Variants in STK32A observed in about 807,000 individuals in gnomAD.
STK32A encodes serine/threonine-protein kinase 32A.
STK32A carries 41 observed loss-of-function variants against 53.2 expected under a neutral mutation model. That is an observed-to-expected ratio of 0.77 (90% CI 0.60 to 1.00). The LOEUF is 1.00. Among genes scored for constraint, STK32A ranks in the 50% least tolerant of loss-of-function variants. The pLI is 0.00. For synonymous variants in STK32A, 166 were observed against 162.8 expected (o/e 1.02, Z -0.15); for missense variants, 458 against 485.8 (o/e 0.94, Z 0.54).
At chr5:147,326,919 A>G (rs1206088490) in intron 5 of STK32A, among the ~76,000 whole-genome samples, 2 of 152,064 alleles carry the variant, frequency 1.3e-5, no homozygotes, top group African/African-American at 2.4e-5. Flanking sequence ...GGGTCTCCCT[A>G]TGTTGCCTAG....
chr5:147,274,819 A>G (rs1338441237), intron 2 of STK32A, among the ~76,000 whole-genome samples: 1 of 152,172 alleles, frequency 6.6e-6, no homozygotes, highest in Non-Finnish European at 1.5e-5. Context: ...AAGATTACAC[A>G]GCTATTTATT....
chr5:147,294,441 T>C (rs1465399588), intron 4 of STK32A, among the ~76,000 whole-genome samples: 2 of 152,094 alleles, frequency 1.3e-5, no homozygotes, highest in Non-Finnish European at 2.9e-5. Context: ...TTTGTATTTT[T>C]AGTACAGACG....
chr5:147,382,682 G>T (rs752073678), intron 11 of STK32A, among the ~76,000 whole-genome samples: 5 of 152,030 alleles, frequency 3.3e-5, no homozygotes, highest in Non-Finnish European at 7.4e-5. Context: ...ATCTTCTTAG[G>T]TCTTTTCTGA....
intron 4 of STK32A, among the ~76,000 whole-genome samples, chr5:147,299,137 A>T (rs1419984493): frequency 1.3e-5 from 2 of 152,214 alleles, no homozygotes; most frequent in Non-Finnish European, 2.9e-5. Flanking sequence ...CCATAGACAG[A>T]GCAGCCCTGA....
chr5:147,395,622 C>T, the STK32A span: 1 of 1,614,054 alleles, frequency 6.2e-7, no homozygotes, highest in Non-Finnish European at 8.5e-7. Context: ...GTAGGAGAGC[C>T]CCGAGCAGAG....
intron 6 of STK32A, among the ~76,000 whole-genome samples, chr5:147,343,736 G>A (rs1462271085): frequency 6.6e-6 from 1 of 152,200 alleles, no homozygotes; most frequent in Non-Finnish European, 1.5e-5. Flanking sequence ...CTTTGTCTAT[G>A]CTGGCACATA....
At chr5:147,358,128 TA>T (rs1460146984) in intron 7 of STK32A, among the ~76,000 whole-genome samples, 4 of 152,008 alleles carry the variant, frequency 2.6e-5, no homozygotes, top group Non-Finnish European at 5.9e-5. Context: ...TACCCACGTT[TA>T]AAAAAATCTG....
intron 2 of STK32A, among the ~76,000 whole-genome samples, chr5:147,272,397 C>A (rs992671359): frequency 5.3e-5 from 8 of 152,206 alleles, no homozygotes; most frequent in Non-Finnish European, 1.2e-4. Context: ...ATTAAACCAT[C>A]TTTCAAAATC....
At chr5:147,319,840 C>A (rs1450277992) in intron 4 of STK32A, among the ~76,000 whole-genome samples, 1 of 152,142 alleles carries the variant, frequency 6.6e-6, no homozygotes, top group African/African-American at 2.4e-5. Context: ...GGACAATGTT[C>A]TCTTGCTTTT....
At chr5:147,399,310 G>A in the STK32A span, 1 of 1,527,996 alleles carries the variant, frequency 6.5e-7, no homozygotes, top group Non-Finnish European at 8.8e-7. Context: ...TCAATTCAGG[G>A]CTTCTGAACT....
chr5:147,279,895 G>A (rs977326879), intron 4 of STK32A, among the ~76,000 whole-genome samples: 26 of 152,124 alleles, frequency 1.7e-4, no homozygotes, highest in South Asian at 2.1e-4. Flanking sequence ...TGAAGGAAAC[G>A]ACTGCTCCTG....
rs143858559 is a variant in STK32A, at chr5:147,352,303, C to T, written c.562+1149C>T. On this transcript the variant is annotated intron_variant, in intron 7 of 12. Coordinates refer to ENST00000397936, the MANE Select transcript of STK32A (RefSeq NM_001112724.2). ...TGTCTTTGCATTATTTTGTGTGTAG[C>T]GAGGTGAGGAACTGGTTTTTGCCTT... Among the ~76,000 whole-genome samples, 425 of 152,186 alleles carry T rather than the reference C, an allele frequency of 2.8e-3. 1 individual carries two copies. The highest frequency in any genetic ancestry group is 9.5e-3 in the African/African-American group (393 of 41,522).
intron 2 of STK32A, among the ~76,000 whole-genome samples, chr5:147,247,725 G>T (rs1392987921): frequency 1.3e-5 from 2 of 152,154 alleles, no homozygotes; most frequent in Non-Finnish European, 2.9e-5. Context: ...ACATGGCTTT[G>T]TTCCAATAAA....
At chr5:147,300,943 C>G (rs558716290) in intron 4 of STK32A, among the ~76,000 whole-genome samples, 10 of 152,280 alleles carry the variant, frequency 6.6e-5, no homozygotes, top group South Asian at 4.1e-4. Context: ...TCTTCTGGCA[C>G]AGGGGCCAAG....
chr5:147,387,435 T>C lies in STK32A; in HGVS notation c.*3452T>C, dbSNP rs760526932. On this transcript the variant is annotated 3_prime_UTR_variant, in exon 13 of 13. Transcript: ENST00000397936. Reference sequence around the variant, plus strand: ...CCAGAAACCACTAGATGTTCTATTATCATAGCTTTTGTAGATTGGATGGAA... The same window carrying C: ...CCAGAAACCACTAGATGTTCTATTACCATAGCTTTTGTAGATTGGATGGAA... 3 of 152,256 alleles carry C rather than the reference T, an allele frequency of 2.0e-5. No homozygotes were observed. Among genetic ancestry groups the C allele is most frequent in the Non-Finnish European group, 4.4e-5 (3 of 68,048 alleles). The allele number at this position is 152,256 out of a possible 1,614,324, so 9.4% of individuals were successfully genotyped here. A position where few individuals can be genotyped will look rare whatever the true frequency, so the allele number is the denominator to read the frequency against.
chr5:147,313,504 T>C (rs1394859037), intron 4 of STK32A, among the ~76,000 whole-genome samples: 3 of 152,204 alleles, frequency 2.0e-5, no homozygotes, highest in Non-Finnish European at 2.9e-5. Flanking sequence ...TATCTGTAGA[T>C]TCTATACAAT....
At chr5:147,367,487 C>T (rs1756812316) in intron 8 of STK32A, among the ~76,000 whole-genome samples, 1 of 151,988 alleles carries the variant, frequency 6.6e-6, no homozygotes, top group Non-Finnish European at 1.5e-5. Context: ...TTCAGGTGGG[C>T]TGAGTCCGAA....
chr5:147,246,722 T>C (rs1031345715), intron 2 of STK32A, among the ~76,000 whole-genome samples: 1 of 152,228 alleles, frequency 6.6e-6, no homozygotes, highest in Non-Finnish European at 1.5e-5. Context: ...GTGATTTATA[T>C]GAAAAAATGT....
At chr5:147,315,765 A>G (rs1753963432) in intron 4 of STK32A, among the ~76,000 whole-genome samples, 2 of 152,180 alleles carry the variant, frequency 1.3e-5, no homozygotes, top group Non-Finnish European at 2.9e-5. Flanking sequence ...AAAATACAAG[A>G]AGTTACCAGT....
Sources: gnomAD v4.1 joint callset for allele counts (sites outside exome capture counted in the v4.1 genomes callset) on GRCh38, gnomAD v4.1.1 for gene constraint, MANE v1.5 for transcripts, NCBI Gene and HGNC (gene_info 2026-07-23, HGNC 2026-07-21) for gene names.